The following PKD2L2 variants were observed in gnomAD, a reference collection of about 807,000 sequenced individuals.
PKD2L2 encodes the protein polycystin-2-like protein 2.
A neutral mutation model predicts 83.9 loss-of-function variants in PKD2L2; 67 were observed. That is an observed-to-expected ratio of 0.80 (90% CI 0.66 to 0.98). The LOEUF is 0.98. Ranked by LOEUF, PKD2L2 falls within the 50% of genes least tolerant of loss-of-function variation. The pLI, the probability that PKD2L2 is intolerant of heterozygous loss-of-function variation, is 0.00. For synonymous variants in PKD2L2, 223 were observed against 237.8 expected (o/e 0.94, Z 0.57); for missense variants, 632 against 717.2 (o/e 0.88, Z 1.36).
chr5:137,918,967 TGA>T (rs1374825483), intron 8 of PKD2L2, among the ~76,000 whole-genome samples: 11 of 147,932 alleles, frequency 7.4e-5, no homozygotes, highest in East Asian at 2.0e-4. Context: ...TGTGTGTGTG[TGA>T]GTGTGTGTGT....
chr5:137,912,781 T>C (rs373203579), intron 8 of PKD2L2, among the ~76,000 whole-genome samples: 13 of 151,362 alleles, frequency 8.6e-5, no homozygotes, highest in African/African-American at 3.1e-4. Context: ...CATTTTTAAA[T>C]TGGATTATTT....
At chr5:137,930,535 G>A (rs1022320712) in intron 12 of PKD2L2, among the ~76,000 whole-genome samples, 1 of 151,928 alleles carries the variant, frequency 6.6e-6, no homozygotes, top group Non-Finnish European at 1.5e-5. Flanking sequence ...GCCGGGTGTG[G>A]TGGCACACGC....
intron 6 of PKD2L2, among the ~76,000 whole-genome samples, chr5:137,906,956 G>C (rs957070536): frequency 6.6e-6 from 1 of 152,194 alleles, no homozygotes; most frequent in Non-Finnish European, 1.5e-5. Context: ...AAACACCAAA[G>C]ACCATCAGTT....
At chr5:137,915,133 C>T (rs545994155) in intron 8 of PKD2L2, among the ~76,000 whole-genome samples, 4 of 152,086 alleles carry the variant, frequency 2.6e-5, no homozygotes, top group Admixed American at 6.6e-5. Context: ...ATGATAGCCA[C>T]GTAAAATGAG....
rs199798746 is a variant in PKD2L2, at chr5:137,890,532, C to T, written c.83C>T (p.Thr28Ile). ...AGAAAGGAAGTAGAAATTACAACCA[C>T]ACTTCAGGAATTGTTACTCTACTTT... ...HYRKEVEITT[T>I]LQELLLYFIF... Residue 28 changes from threonine to isoleucine, a missense_variant, in exon 2 of 15, where the codon ACA becomes ATA. Physicochemically the swap from Thr to Ile is moderately conservative, Grantham distance 89. Coordinates refer to ENST00000508883, the MANE Select transcript of PKD2L2 (RefSeq NM_001300921.2). 28 of 1,586,852 alleles carry T rather than the reference C, an allele frequency of 1.8e-5. No individual in the cohort carries two copies. Among genetic ancestry groups the T allele is most frequent in the South Asian group, 3.5e-5 (3 of 85,236 alleles).
At chr5:137,938,867 G>C (rs557580040) in intron 14 of PKD2L2, 1 of 152,310 alleles carries the variant, frequency 6.6e-6, no homozygotes, top group East Asian at 1.9e-4. Flanking sequence ...ATGAGTCATT[G>C]CATGCAAAAC....
At position 137,906,390 on chromosome 5, in the gene PKD2L2, T is replaced by C; in HGVS notation, c.931T>C (p.Tyr311His). The C allele has an allele frequency of 1.2e-6, 2 of 1,610,032 alleles. No individual in the cohort carries two copies. Among genetic ancestry groups the C allele is most frequent in the Non-Finnish European group, 8.5e-7 (1 of 1,176,866 alleles). Residue 311 changes from tyrosine to histidine, a missense_variant, in exon 6 of 15, where the codon TAT (tyrosine) becomes CAT (histidine). By Grantham distance (83) the Tyr-to-His change is moderately conservative. This residue lies in a region of PKD2L2 where 399 missense variants were observed against 416.9 expected (regional missense o/e 0.96). Transcript: ENST00000508883. ...VKKIKEFKSA[Y>H]FKSIWNWLEL... is the part of the protein sequence containing the mutation. The stretch of plus-strand genomic sequence containing the variant: ...AAAAATAAAAGAATTTAAGTCTGCC[T>C]ATTTCAAAAGTATTTGGAACTGGCT...
chr5:137,889,780 GCTAGGCCGGTCTCTAAAGTC>G (rs1162649987), intron 1 of PKD2L2, among the ~76,000 whole-genome samples: 1 of 152,208 alleles, frequency 6.6e-6, no homozygotes, highest in African/African-American at 2.4e-5. Flanking sequence ...AGTGACCGTC[GCTAGGCCGGTCTCTAAAGTC>G]CTTGGTTGAT....
At chr5:137,898,172 G>A (rs1057026863) in intron 4 of PKD2L2, among the ~76,000 whole-genome samples, 1 of 151,970 alleles carries the variant, frequency 6.6e-6, no homozygotes, top group Non-Finnish European at 1.5e-5. Flanking sequence ...TCACCATGTT[G>A]GCCAGGCTGG....
At chr5:137,908,665 A>G in intron 7 of PKD2L2, 100 bp from the exon 8 acceptor site, 1 of 616,958 alleles carries the variant, frequency 1.6e-6, no homozygotes, top group African/African-American at 1.9e-5. Context: ...ATCATTAAAT[A>G]TCTCCTTTAA....
At chr5:137,939,762 T>C (rs1761106431) in intron 14 of PKD2L2, 1 of 808,832 alleles carries the variant, frequency 1.2e-6, no homozygotes, top group Non-Finnish European at 1.6e-6. Flanking sequence ...GTTGCGTATG[T>C]GCACTTTTAT....
chr5:137,898,546 ATTT>A (rs1276945271), intron 4 of PKD2L2, among the ~76,000 whole-genome samples: 1 of 152,004 alleles, frequency 6.6e-6, no homozygotes, highest in Non-Finnish European at 1.5e-5. Context: ...CAACAGATGG[ATTT>A]TTTTGTTTTT....
At chr5:137,898,232 G>T (rs1227527081) in intron 4 of PKD2L2, among the ~76,000 whole-genome samples, 1 of 152,144 alleles carries the variant, frequency 6.6e-6, no homozygotes, top group Non-Finnish European at 1.5e-5. Flanking sequence ...CTCCCAAAGT[G>T]CTGGGATTAC....
chr5:137,906,984 C>T (rs1344144235), intron 6 of PKD2L2, among the ~76,000 whole-genome samples: 1 of 152,116 alleles, frequency 6.6e-6, no homozygotes, highest in African/African-American at 2.4e-5. Context: ...ATGAAATGCA[C>T]TGAAATAAAC....
chr5:137,936,683 C>T (rs1448568938), intron 14 of PKD2L2, among the ~76,000 whole-genome samples: 1 of 152,222 alleles, frequency 6.6e-6, no homozygotes, highest in Non-Finnish European at 1.5e-5. Flanking sequence ...TCTCGATCTC[C>T]TGACCTCGTG....
chr5:137,930,734 G>A (rs1282682152), intron 12 of PKD2L2, among the ~76,000 whole-genome samples: 2 of 148,280 alleles, frequency 1.3e-5, no homozygotes, highest in African/African-American at 5.0e-5. Flanking sequence ...ACACCATGTA[G>A]CAGAATCTGA....
At chr5:137,901,823 C>T (rs1233264578) in intron 5 of PKD2L2, among the ~76,000 whole-genome samples, 2 of 152,066 alleles carry the variant, frequency 1.3e-5, no homozygotes, top group Non-Finnish European at 2.9e-5. Context: ...GAGAGAACAC[C>T]ATGAAAGTGT....
At position 137,908,922 on chromosome 5, in the gene PKD2L2, A is replaced by C; in HGVS notation, c.1304A>C (p.Asp435Ala). 1 of 1,602,676 alleles carries C rather than the reference A, an allele frequency of 6.2e-7. No individual in the cohort carries two copies. The highest frequency in any genetic ancestry group is 8.5e-7 in the Non-Finnish European group (1 of 1,172,490). ...CTTGTTTTTGGATCACAAGTTGATG[A>C]CTTTTCCACTTTTCAGAATTCCATG... is the stretch of plus-strand genomic sequence containing the variant. ...GFLVFGSQVD[D>A]FSTFQNSIFA... The change falls in exon 8 of 15, where the codon GAC becomes GCC. Residue 435 changes from aspartate (D) to alanine (A), a missense_variant. Asp to Ala is a moderately radical substitution (Grantham distance 126). This residue lies in a region of PKD2L2 where 399 missense variants were observed against 416.9 expected (regional missense o/e 0.96). Transcript: ENST00000508883.
intron 12 of PKD2L2, among the ~76,000 whole-genome samples, chr5:137,933,754 T>C (rs1035997763): frequency 2.0e-5 from 3 of 152,216 alleles, no homozygotes; most frequent in Non-Finnish European, 2.9e-5. Flanking sequence ...TTAAGAGGCA[T>C]ACCAGAGAAT....
Sources: gnomAD v4.1 joint callset for allele counts (sites outside exome capture counted in the v4.1 genomes callset) on GRCh38, gnomAD v4.1.1 for gene constraint, gnomAD v4.1.1 regional missense constraint, MANE v1.5 for transcripts, NCBI Gene and HGNC (gene_info 2026-07-23, HGNC 2026-07-21) for gene names.